AKAP6: variants seen among roughly 807,000 people sequenced by gnomAD.
AKAP6 encodes the protein A-kinase anchor protein 6.
A neutral mutation model predicts 188.5 loss-of-function variants in AKAP6; 58 were observed. The observed-to-expected ratio is 0.31, with a 90% CI of 0.25 to 0.38. The LOEUF is 0.38. AKAP6 is among the 10% of genes least tolerant of loss of function. The probability of loss-of-function intolerance (pLI) is 1.00; values close to 1 mark genes in which losing one functional copy is unlikely to be tolerated. For synonymous variants in AKAP6, 989 were observed against 998.6 expected (o/e 0.99, Z 0.18); for missense variants, 2,710 against 2,740.0 (o/e 0.99, Z 0.24).
chr14:32,464,610 C>T (rs1214248689), intron 2 of AKAP6, among the ~76,000 whole-genome samples: 1 of 152,136 alleles, frequency 6.6e-6, no homozygotes, highest in African/African-American at 2.4e-5. Flanking sequence ...ATAATAAGAG[C>T]TATTTATGAC....
At chr14:32,348,417 C>CTTTTTTTTTTTTTTTTTTTT (rs71115063) in intron 1 of AKAP6, among the ~76,000 whole-genome samples, 3 of 126,164 alleles carry the variant, frequency 2.4e-5, no homozygotes, top group Admixed American at 8.0e-5. Flanking sequence ...TCTTTTGTTT[C>CTTTTTTTTTTTTTTTTTTTT]TTTTTTTTTT....
rs148483623 is a variant in AKAP6, at chr14:32,412,016, G to T, written c.-34-21444G>T. ...GTAGAATGGATTTGTCAGGATCTTG[G>T]TTTTTGTGAGGCAGAGTCCAGATTG... On this transcript the variant is annotated intron_variant, in intron 1 of 13. Transcript: ENST00000280979. 4.5e-3 allele frequency among the ~76,000 whole-genome samples: 681 copies of T among 152,016 alleles called. 8 individuals carry two copies. Among genetic ancestry groups the T allele is most frequent in the African/African-American group, 0.015 (636 of 41,492 alleles).
intron 7 of AKAP6, among the ~76,000 whole-genome samples, chr14:32,647,018 A>G (rs1021969307): frequency 1.5e-4 from 23 of 152,282 alleles, no homozygotes; most frequent in African/African-American, 5.3e-4. Flanking sequence ...AAGTATTTCC[A>G]TATGCATTTG....
intron 7 of AKAP6, among the ~76,000 whole-genome samples, chr14:32,668,270 G>A (rs1160137277): frequency 6.6e-6 from 1 of 152,108 alleles, no homozygotes; most frequent in African/African-American, 2.4e-5. Context: ...ATTACAAAAA[G>A]GAGAGGGTGG....
intron 5 of AKAP6, among the ~76,000 whole-genome samples, chr14:32,594,840 A>G (rs1194516217): frequency 1.3e-5 from 2 of 152,192 alleles, no homozygotes; most frequent in Non-Finnish European, 2.9e-5. Flanking sequence ...CTTATTCATC[A>G]GCATATATAC....
At chr14:32,772,756 T>A (rs1161921488) in intron 11 of AKAP6, among the ~76,000 whole-genome samples, 1 of 152,222 alleles carries the variant, frequency 6.6e-6, no homozygotes, top group Non-Finnish European at 1.5e-5. Context: ...TTTACCCTTG[T>A]TGATTAATAA....
At chr14:32,438,425 T>C (rs1257463429) in intron 2 of AKAP6, among the ~76,000 whole-genome samples, 3 of 152,192 alleles carry the variant, frequency 2.0e-5, no homozygotes, top group African/African-American at 7.2e-5. Flanking sequence ...CTTCTGGTCA[T>C]TGTGTTGATC....
At chr14:32,603,113 C>A (rs1479713289) in intron 7 of AKAP6, among the ~76,000 whole-genome samples, 1 of 152,148 alleles carries the variant, frequency 6.6e-6, no homozygotes, top group African/African-American at 2.4e-5. Flanking sequence ...ATTCTGTGAA[C>A]AGGCCAGTGT....
At chr14:32,512,963 G>A (rs889884830) in intron 2 of AKAP6, among the ~76,000 whole-genome samples, 24 of 152,190 alleles carry the variant, frequency 1.6e-4, no homozygotes, top group Non-Finnish European at 2.9e-4. Context: ...AAACCCTAAG[G>A]AATTTTGAAG....
chr14:32,539,937 A>G (rs759542262), intron 3 of AKAP6, among the ~76,000 whole-genome samples: 2 of 151,884 alleles, frequency 1.3e-5, no homozygotes, highest in Non-Finnish European at 2.9e-5. Context: ...AGGTCTGAGG[A>G]CTCATGATCT....
At chr14:32,699,695 A>G (rs1337112298) in intron 9 of AKAP6, among the ~76,000 whole-genome samples, 1 of 152,186 alleles carries the variant, frequency 6.6e-6, no homozygotes, top group Non-Finnish European at 1.5e-5. Context: ...TTTCTAATGA[A>G]CATTGGCAAT....
At chr14:32,458,748 T>C (rs1594635854) in intron 2 of AKAP6, among the ~76,000 whole-genome samples, 2 of 151,854 alleles carry the variant, frequency 1.3e-5, no homozygotes, top group East Asian at 3.9e-4. Context: ...AATAAAAACA[T>C]GAATCAGAAT....
At chr14:32,744,203 G>A (rs897854869) in intron 11 of AKAP6, among the ~76,000 whole-genome samples, 4 of 151,910 alleles carry the variant, frequency 2.6e-5, no homozygotes, top group African/African-American at 9.7e-5. Context: ...GCCACTTTTA[G>A]GATCCTTTCT....
In AKAP6 at chr14:32,681,550, G is replaced by T. The variant is rs74041662; in HGVS notation, c.2879+3091G>T. ...CATACTGTATGAAATTTGAACTAAG[G>T]TATCTTCCTACTATGGAGAAATGGA... On this transcript the variant is annotated intron_variant, in intron 8 of 13. Transcript: ENST00000280979. 6.1e-3 allele frequency among the ~76,000 whole-genome samples: 931 copies of T among 152,156 alleles called. 12 individuals carry two copies. Among genetic ancestry groups the T allele is most frequent in the African/African-American group, 0.022 (897 of 41,502 alleles).
chr14:32,800,061 C>CTATA lies in AKAP6; in HGVS notation c.3589-21334_3589-21331dup, dbSNP rs1555363776. On this transcript the variant is annotated intron_variant, in intron 12 of 13. Coordinates refer to ENST00000280979, the MANE Select transcript of AKAP6 (RefSeq NM_004274.5). ...CCTGTCTCTCTCTCTCTCTCTCTCTCTATATATATAGAAATATATATATAT... is the reference window on the plus strand; with the variant it reads ...CCTGTCTCTCTCTCTCTCTCTCTCTCTATATATATATATAGAAATATATATATAT... 9.5e-5 allele frequency among the ~76,000 whole-genome samples: 13 copies of CTATA among 136,944 alleles called. 1 individual carries two copies. In the South Asian group the frequency reaches 2.3e-3, roughly 24 times the overall value. 89.8% of individuals were successfully genotyped at this position (136,944 alleles called of 152,430 possible). A position where few individuals can be genotyped will look rare whatever the true frequency, so the allele number is the denominator to read the frequency against.
At chr14:32,478,205 T>G (rs1400268610) in intron 2 of AKAP6, among the ~76,000 whole-genome samples, 1 of 152,170 alleles carries the variant, frequency 6.6e-6, no homozygotes, top group African/African-American at 2.4e-5. Context: ...GAGCCAACAT[T>G]AGTGAATGTT....
intron 11 of AKAP6, among the ~76,000 whole-genome samples, chr14:32,744,981 C>G (rs1376459753): frequency 2.0e-5 from 3 of 152,038 alleles, no homozygotes; most frequent in Non-Finnish European, 4.4e-5. Context: ...TAATCTTTAT[C>G]TGGTAGAATT....
At chr14:32,622,262 C>T (rs1015055010) in intron 7 of AKAP6, among the ~76,000 whole-genome samples, 2 of 151,512 alleles carry the variant, frequency 1.3e-5, no homozygotes, top group African/African-American at 4.9e-5. Flanking sequence ...GATGAGCTTT[C>T]AAATAAACTA....
At position 32,546,354 on chromosome 14, in the gene AKAP6, A is replaced by G. The variant is rs779238053; in HGVS notation, c.1701A>G (p.Gln567=). ...CNQRSWNAKL[Q]LQSETSSSPA... ...AGAGAAGTTGGAATGCCAAATTGCA[A>G]TTGCAGTCAGAAACATCCAGTTCAC... The change falls in exon 4 of 14, where the codon CAA becomes CAG. Residue 567 remains glutamine, a synonymous_variant. Coordinates refer to ENST00000280979, the MANE Select transcript of AKAP6 (RefSeq NM_004274.5). 1.9e-6 allele frequency: 3 copies of G among 1,614,212 alleles called. No individual in the cohort carries two copies. Among genetic ancestry groups the G allele is most frequent in the Non-Finnish European group, 2.5e-6 (3 of 1,180,040 alleles).
Sources: allele counts gnomAD v4.1 joint callset (sites outside exome capture counted in the v4.1 genomes callset), GRCh38; gene constraint gnomAD v4.1.1; transcripts MANE v1.5; gene names NCBI Gene and HGNC (gene_info 2026-07-23, HGNC 2026-07-21).